Variants in DCDC1 observed in about 807,000 individuals in gnomAD.
DCDC1 encodes the protein doublecortin domain containing 1.
In DCDC1, 200 loss-of-function variants were observed where a neutral mutation model predicts 178.3. The ratio of observed to expected loss-of-function variants is 1.12; its 90% CI spans 1.00 to 1.26. The LOEUF is 1.26. Ranked by LOEUF, DCDC1 falls within the 50% of genes most tolerant of loss-of-function variation. The pLI is 0.00. For missense variants in DCDC1, 1,983 were observed against 1,749.2 expected, an observed-to-expected ratio of 1.13 and a Z score of -2.38; for synonymous variants, 690 against 604.8, an observed-to-expected ratio of 1.14 and a Z score of -2.07.
chr11:31,039,672 A>C (rs532580673), intron 20 of DCDC1, among the ~76,000 whole-genome samples: 1 of 152,312 alleles, frequency 6.6e-6, no homozygotes, highest in African/African-American at 2.4e-5. Flanking sequence ...GGAACAACAA[A>C]AAACATCAGA....
chr11:30,933,794 T>C (rs1449630398), intron 21 of DCDC1, among the ~76,000 whole-genome samples: 1 of 152,174 alleles, frequency 6.6e-6, no homozygotes, highest in Non-Finnish European at 1.5e-5. Context: ...GATTTAAGGA[T>C]TGAAGCTACC....
chr11:31,140,200 A>T (rs1475997896), intron 9 of DCDC1, among the ~76,000 whole-genome samples: 2 of 152,172 alleles, frequency 1.3e-5, no homozygotes, highest in East Asian at 3.9e-4. Context: ...TGCTGTTCTT[A>T]TCTAAAATAT....
chr11:31,281,563 T>C (rs1946434722), intron 7 of DCDC1, among the ~76,000 whole-genome samples: 1 of 152,160 alleles, frequency 6.6e-6, no homozygotes, highest in South Asian at 2.1e-4. Flanking sequence ...ACATTGTCTG[T>C]TGTTAAACCA....
intron 32 of DCDC1, among the ~76,000 whole-genome samples, chr11:30,902,450 C>A (rs1944756960): frequency 6.6e-6 from 1 of 152,086 alleles, no homozygotes; most frequent in East Asian, 1.9e-4. Flanking sequence ...TCTGTTACAG[C>A]AACAATAATG....
At position 31,023,215 on chromosome 11, in the gene DCDC1, T is replaced by C. The variant is rs530530254; in HGVS notation, c.2591+41254A>G. On this transcript the variant is annotated intron_variant, in intron 20 of 38. Coordinates refer to ENST00000684477, the MANE Select transcript of DCDC1 (RefSeq NM_001387274.1). ...TAGTTTATAATTATGGACAAATAAG[T>C]TATCATTAGAAATGTGTTGTTTTCC... Among the ~76,000 whole-genome samples, 3 of 152,232 alleles carry C rather than the reference T, an allele frequency of 2.0e-5. No individual in the cohort carries two copies. The South Asian group carries it at 6.2e-4, about 32-fold the overall frequency.
chr11:30,884,176 G>T (rs1193764569), intron 36 of DCDC1, among the ~76,000 whole-genome samples: 1 of 151,696 alleles, frequency 6.6e-6, no homozygotes, highest in African/African-American at 2.4e-5. Context: ...TGGGACTACA[G>T]GCGTGCACCA....
intron 9 of DCDC1, among the ~76,000 whole-genome samples, chr11:31,163,449 G>C (rs1434388527): frequency 6.6e-6 from 1 of 152,028 alleles, no homozygotes; most frequent in Non-Finnish European, 1.5e-5. Flanking sequence ...CCATTCATTT[G>C]TTTTGTTCTT....
intron 20 of DCDC1, among the ~76,000 whole-genome samples, chr11:31,024,244 G>A (rs1240688246): frequency 1.3e-5 from 2 of 151,932 alleles, no homozygotes; most frequent in Admixed American, 1.3e-4. Flanking sequence ...AGTAGAAAAA[G>A]CAGCAGTAGT....
intron 20 of DCDC1, among the ~76,000 whole-genome samples, chr11:31,064,247 C>G (rs545331532): frequency 2.0e-5 from 3 of 152,000 alleles, no homozygotes; most frequent in Non-Finnish European, 4.4e-5. Flanking sequence ...GGACAGCAAC[C>G]CATCCTAAGT....
chr11:31,312,364 C>A (rs568014539), intron 3 of DCDC1, among the ~76,000 whole-genome samples: 1 of 152,094 alleles, frequency 6.6e-6, no homozygotes, highest in African/African-American at 2.4e-5. Context: ...CAAGGGCTTA[C>A]GGTATTTGAA....
At chr11:31,180,362 C>A (rs1272164675) in intron 9 of DCDC1, among the ~76,000 whole-genome samples, 1 of 152,154 alleles carries the variant, frequency 6.6e-6, no homozygotes, top group Non-Finnish European at 1.5e-5. Flanking sequence ...CTGATTGGAT[C>A]ATTATATAAC....
At chr11:31,226,707 C>CT (rs1436898024) in intron 9 of DCDC1, among the ~76,000 whole-genome samples, 7 of 83,720 alleles carry the variant, frequency 8.4e-5, no homozygotes, top group African/African-American at 2.9e-4. Flanking sequence ...GATCTCATCT[C>CT]TAAAAAAAAA....
chr11:30,906,372 A>G, intron 30 of DCDC1, 168 bp downstream of exon 30: 1 of 692,692 alleles, frequency 1.4e-6, no homozygotes, highest in East Asian at 2.7e-5. Context: ...TGCATTTTAA[A>G]TTACAATGGG....
intron 20 of DCDC1, among the ~76,000 whole-genome samples, chr11:31,014,154 G>A (rs1246305905): frequency 6.6e-6 from 1 of 152,176 alleles, no homozygotes; most frequent in Non-Finnish European, 1.5e-5. Context: ...GTCCTTTTAA[G>A]AAGGGGAACA....
intron 20 of DCDC1, among the ~76,000 whole-genome samples, chr11:31,044,360 C>T (rs1425981494): frequency 6.6e-6 from 1 of 151,686 alleles, no homozygotes; most frequent in East Asian, 1.9e-4. Flanking sequence ...ACCTGTAGTC[C>T]CAGCTGCTCA....
intron 9 of DCDC1, among the ~76,000 whole-genome samples, chr11:31,186,247 C>T (rs1377305228): frequency 1.2e-4 from 19 of 152,176 alleles, no homozygotes; most frequent in Admixed American, 1.2e-3. Context: ...CTTAGCCATA[C>T]TCTCCTTGTT....
At chr11:31,008,181 A>G (rs933836570) in intron 20 of DCDC1, among the ~76,000 whole-genome samples, 1 of 152,098 alleles carries the variant, frequency 6.6e-6, no homozygotes, top group African/African-American at 2.4e-5. Context: ...GGGAGGGGGG[A>G]TTATGTGGAT....
In DCDC1 at chr11:31,077,958, C is replaced by T. The variant is rs778202913; in HGVS notation, c.2238-33G>A. 24 of 763,600 alleles carry T rather than the reference C, an allele frequency of 3.1e-5. No homozygotes were observed. In the Admixed American group the frequency reaches 3.8e-4, roughly 12 times the overall value. 47.3% of individuals were successfully genotyped at this position (763,600 alleles called of 1,614,324 possible). A position where few individuals can be genotyped will look rare whatever the true frequency, so the allele number is the denominator to read the frequency against. On this transcript the variant is annotated intron_variant, in intron 17 of 38. Coordinates refer to ENST00000684477, the MANE Select transcript of DCDC1 (RefSeq NM_001387274.1). ...GAAAATGTAATTTAGAGATTGACATCTTCTCTCCACAGAAACACTTGTAGG... is the reference window on the plus strand; with the variant it reads ...GAAAATGTAATTTAGAGATTGACATTTTCTCTCCACAGAAACACTTGTAGG...
intron 9 of DCDC1, among the ~76,000 whole-genome samples, chr11:31,147,520 C>T (rs1481488673): frequency 1.3e-5 from 2 of 152,146 alleles, no homozygotes; most frequent in African/African-American, 2.4e-5. Context: ...GAAAAGCACA[C>T]TGATAATTTA....
Sources: gnomAD v4.1 joint callset for allele counts (sites outside exome capture counted in the v4.1 genomes callset) on GRCh38, gnomAD v4.1.1 for gene constraint, MANE v1.5 for transcripts, NCBI Gene and HGNC (gene_info 2026-07-23, HGNC 2026-07-21) for gene names.